Variants in ZRANB3 observed in about 807,000 individuals in gnomAD.
The protein encoded by ZRANB3 is DNA annealing helicase and endonuclease ZRANB3.
Under a neutral mutation model 133.8 loss-of-function variants are expected in ZRANB3, and 125 were observed. That is an observed-to-expected ratio of 0.93 (90% CI 0.81 to 1.08). The LOEUF (loss-of-function observed/expected upper bound fraction) is 1.08. Ranked by LOEUF, ZRANB3 falls within the 50% of genes least tolerant of loss-of-function variation. The probability of loss-of-function intolerance (pLI) is 0.00; values close to 1 mark genes in which losing one functional copy is unlikely to be tolerated. For missense variants in ZRANB3, 1,229 were observed against 1,275.5 expected (o/e 0.96, Z 0.56); for synonymous variants, 387 against 432.7 (o/e 0.89, Z 1.31).
chr2:135,218,516 A>G (rs199936714), intron 16 of ZRANB3, among the ~76,000 whole-genome samples: 3 of 107,414 alleles, frequency 2.8e-5, no homozygotes, highest in Non-Finnish European at 5.4e-5. Flanking sequence ...CTCAAATGGT[A>G]AAAAAAAAAA....
intron 2 of ZRANB3, among the ~76,000 whole-genome samples, chr2:135,503,340 A>G (rs925402869): frequency 6.6e-6 from 1 of 152,212 alleles, no homozygotes; most frequent in Admixed American, 6.5e-5. Flanking sequence ...TAAATACGTG[A>G]TAGACCAAGC....
intron 3 of ZRANB3, among the ~76,000 whole-genome samples, chr2:135,379,207 T>C (rs1454998202): frequency 6.6e-6 from 1 of 152,144 alleles, no homozygotes; most frequent in East Asian, 1.9e-4. Flanking sequence ...AAAGAGCACA[T>C]TCAAAAATAA....
rs1338691710 is a variant in ZRANB3, at chr2:135,481,933, C to T, written c.161+22396G>A. On this transcript the variant is annotated intron_variant, in intron 2 of 20. Coordinates refer to ENST00000264159, the MANE Select transcript of ZRANB3 (RefSeq NM_032143.4). ...CAAAGATCAGATAGTTGTAGATATG[C>T]GGCGTTATTTCTGAGGGCTCTGTTC... Among the ~76,000 whole-genome samples, 81 of 139,876 alleles carry T rather than the reference C, an allele frequency of 5.8e-4. 1 individual carries two copies. The highest frequency in any genetic ancestry group is 8.1e-4 in the East Asian group (4 of 4,942). The allele number at this position is 139,876 out of a possible 152,430, so 91.8% of individuals were successfully genotyped here.
At chr2:135,348,048 C>G (rs2104869851) in intron 5 of ZRANB3, among the ~76,000 whole-genome samples, 1 of 152,016 alleles carries the variant, frequency 6.6e-6, no homozygotes, top group South Asian at 2.1e-4. Context: ...CACTTGAGGC[C>G]AGGAGTTTGA....
At chr2:135,267,762 T>C (rs921901285) in intron 11 of ZRANB3, among the ~76,000 whole-genome samples, 10 of 152,146 alleles carry the variant, frequency 6.6e-5, no homozygotes, top group African/African-American at 2.4e-4. Context: ...ATCCAGTGCT[T>C]AAAAAACATT....
intron 2 of ZRANB3, among the ~76,000 whole-genome samples, chr2:135,468,227 ATCT>A (rs2105024164): frequency 1.3e-5 from 2 of 152,328 alleles, no homozygotes; most frequent in South Asian, 4.1e-4. Context: ...GCTTAAAAAC[ATCT>A]TCTGGAATAT....
chr2:135,494,354 A>T (rs2104810507), intron 2 of ZRANB3, among the ~76,000 whole-genome samples: 1 of 151,804 alleles, frequency 6.6e-6, no homozygotes, highest in East Asian at 1.9e-4. Flanking sequence ...GAAGGAAGGA[A>T]AATAAAGGAA....
At chr2:135,467,183 C>T (rs1347997125) in intron 2 of ZRANB3, among the ~76,000 whole-genome samples, 1 of 151,944 alleles carries the variant, frequency 6.6e-6, no homozygotes, top group Non-Finnish European at 1.5e-5. Flanking sequence ...GGCTTTCATT[C>T]TCTGCTCCCA....
intron 1 of ZRANB3, among the ~76,000 whole-genome samples, chr2:135,520,029 G>A (rs892012921): frequency 1.3e-5 from 2 of 152,064 alleles, no homozygotes; most frequent in African/African-American, 4.8e-5. Context: ...CATCTTACCG[G>A]ACCTATCAGT....
intron 3 of ZRANB3, among the ~76,000 whole-genome samples, chr2:135,374,501 CT>C (rs548112054): frequency 2.4e-3 from 339 of 139,932 alleles, no homozygotes; most frequent in Admixed American, 2.9e-3. Context: ...TAAAACATAT[CT>C]TTTTTTTTTT....
At chr2:135,203,798 C>T (rs779415390) in intron 19 of ZRANB3, among the ~76,000 whole-genome samples, 1 of 152,032 alleles carries the variant, frequency 6.6e-6, no homozygotes, top group Non-Finnish European at 1.5e-5. Context: ...AATGAAATTT[C>T]TAGAACAAAT....
intron 19 of ZRANB3, among the ~76,000 whole-genome samples, chr2:135,203,628 A>G (rs1693725870): frequency 1.3e-5 from 2 of 151,864 alleles, no homozygotes; most frequent in African/African-American, 2.4e-5. Flanking sequence ...AAAAAAAAAA[A>G]AAAAAGAAAT....
At chr2:135,437,180 G>C (rs1427649849) in intron 2 of ZRANB3, among the ~76,000 whole-genome samples, 1 of 152,056 alleles carries the variant, frequency 6.6e-6, no homozygotes, top group Non-Finnish European at 1.5e-5. Flanking sequence ...GGTTGGTCTC[G>C]AACTCCTGAA....
intron 12 of ZRANB3, among the ~76,000 whole-genome samples, chr2:135,248,719 A>C (rs1046868467): frequency 6.6e-5 from 10 of 152,306 alleles, no homozygotes; most frequent in African/African-American, 2.4e-4. Flanking sequence ...TAGCCTGGCC[A>C]AAATTGTGAA....
At chr2:135,245,813 C>A (rs1477351009) in intron 12 of ZRANB3, among the ~76,000 whole-genome samples, 1 of 143,806 alleles carries the variant, frequency 7.0e-6, no homozygotes, top group African/African-American at 2.6e-5. Flanking sequence ...GTAATCCCAG[C>A]TACTTGGGAG....
intron 1 of ZRANB3, among the ~76,000 whole-genome samples, chr2:135,506,316 G>A (rs1208659858): frequency 6.6e-6 from 1 of 152,088 alleles, no homozygotes; most frequent in African/African-American, 2.4e-5. Context: ...CTTGAATTCA[G>A]GAGGAGGAAT....
intron 2 of ZRANB3, among the ~76,000 whole-genome samples, chr2:135,441,480 T>A (rs1689775045): frequency 6.6e-6 from 1 of 152,118 alleles, no homozygotes. Context: ...GTTTTATATA[T>A]GTTTCACAAC....
chr2:135,513,238 G>A (rs554254963), intron 1 of ZRANB3, among the ~76,000 whole-genome samples: 1 of 152,194 alleles, frequency 6.6e-6, no homozygotes, highest in East Asian at 1.9e-4. Flanking sequence ...GGAAATGCAA[G>A]GAACCCAGAA....
Position 135,233,550 on chromosome 2 carries a change from C to T in ZRANB3, c.1540-2623G>A, listed in dbSNP as rs1211137372. ...GTTAAGGGCAGCCAGAGAGAAAGCTCGGGTTACCCACAAAGGGAAGCCCAT... is the reference window on the plus strand; with the variant it reads ...GTTAAGGGCAGCCAGAGAGAAAGCTTGGGTTACCCACAAAGGGAAGCCCAT... On this transcript the variant is annotated intron_variant, in intron 12 of 20. Transcript: ENST00000264159. 9.8e-5 allele frequency among the ~76,000 whole-genome samples: 15 copies of T among 152,292 alleles called. 2 individuals carry two copies. The South Asian group carries it at 2.7e-3, about 27-fold the overall frequency.
Sources: allele counts gnomAD v4.1 joint callset (sites outside exome capture counted in the v4.1 genomes callset), GRCh38; gene constraint gnomAD v4.1.1; transcripts MANE v1.5; gene names NCBI Gene and HGNC (gene_info 2026-07-23, HGNC 2026-07-21).